FOXP2: variants seen among roughly 807,000 people sequenced by gnomAD.
FOXP2 encodes the protein forkhead box P2.
Under a neutral mutation model 115.8 loss-of-function variants are expected in FOXP2, and 12 were observed. The ratio of observed to expected loss-of-function variants is 0.10; its 90% confidence interval spans 0.07 to 0.17. The LOEUF is 0.17. FOXP2 is among the 10% of genes least tolerant of loss of function. The pLI is 1.00. For missense variants in FOXP2, 629 were observed against 843.5 expected, an observed-to-expected ratio of 0.75 and a Z score of 3.15; for synonymous variants, 328 against 297.7, an observed-to-expected ratio of 1.10 and a Z score of -1.05.
intron 3 of FOXP2, among the ~76,000 whole-genome samples, chr7:114,626,531 A>ATC (rs35087540): frequency 0.24 from 35,228 of 147,256 alleles, 5,343 homozygotes; most frequent in Non-Finnish European, 0.34. Context: ...TAGAAGGCAT[A>ATC]TCTCTCTCTC....
At chr7:114,129,379 T>C (rs1791811489) in intron 1 of FOXP2, among the ~76,000 whole-genome samples, 1 of 152,180 alleles carries the variant, frequency 6.6e-6, no homozygotes, top group South Asian at 2.1e-4. Context: ...TTGTGCATCC[T>C]TTCCATAATC....
At chr7:114,684,876 G>A (rs1394843118) in intron 16 of FOXP2, among the ~76,000 whole-genome samples, 2 of 152,002 alleles carry the variant, frequency 1.3e-5, no homozygotes, top group Non-Finnish European at 2.9e-5. Flanking sequence ...TTAAAATTCT[G>A]TACATGTCTA....
At chr7:114,368,625 T>C (rs1452603119) in intron 2 of FOXP2, among the ~76,000 whole-genome samples, 1 of 152,178 alleles carries the variant, frequency 6.6e-6, no homozygotes, top group Non-Finnish European at 1.5e-5. Flanking sequence ...TAAAGACGAC[T>C]GAGCAGATTG....
Position 114,100,636 on chromosome 7 carries a change from A to G in FOXP2, c.-247+12798A>G, listed in dbSNP as rs546372904. On this transcript the variant is annotated intron_variant, in intron 1 of 19. Transcript: ENST00000635638. The stretch of plus-strand genomic sequence containing the variant: ...TGTCATCCATAATTGTGATTAATAC[A>G]TTTCATAGTTTTGCTCAATTATTTT... 2.0e-5 allele frequency among the ~76,000 whole-genome samples: 3 copies of G among 152,266 alleles called. No homozygotes were observed. In the East Asian group the frequency reaches 5.8e-4, roughly 29 times the overall value.
chr7:114,145,500 C>CTTTT (rs1792347262), intron 1 of FOXP2, among the ~76,000 whole-genome samples: 5 of 30,728 alleles, frequency 1.6e-4, no homozygotes, highest in African/African-American at 2.5e-4. Flanking sequence ...TCTTTTCTTT[C>CTTTT]CTTTTGAGAT....
At chr7:114,673,497 T>C (rs1432792238) in intron 16 of FOXP2, among the ~76,000 whole-genome samples, 1 of 152,218 alleles carries the variant, frequency 6.6e-6, no homozygotes, top group Non-Finnish European at 1.5e-5. Context: ...CAAAACTATC[T>C]GAAATCATTT....
At chr7:114,389,871 A>G (rs1312518419) in intron 2 of FOXP2, among the ~76,000 whole-genome samples, 1 of 151,966 alleles carries the variant, frequency 6.6e-6, no homozygotes, top group Admixed American at 6.6e-5. Flanking sequence ...TAAAAATACA[A>G]AAATTAGTTG....
At chr7:114,245,979 G>T (rs1795274289) in intron 1 of FOXP2, among the ~76,000 whole-genome samples, 1 of 152,054 alleles carries the variant, frequency 6.6e-6, no homozygotes, top group African/African-American at 2.4e-5. Flanking sequence ...AAAGGTGATT[G>T]TTCTCTGACA....
chr7:114,376,371 G>A (rs1271167952), intron 2 of FOXP2, among the ~76,000 whole-genome samples: 6 of 152,190 alleles, frequency 3.9e-5, no homozygotes, highest in African/African-American at 1.4e-4. Flanking sequence ...TTCCTTATGT[G>A]TTAAATAGAA....
intron 3 of FOXP2, among the ~76,000 whole-genome samples, chr7:114,617,662 G>C (rs1445665950): frequency 6.6e-6 from 1 of 152,106 alleles, no homozygotes; most frequent in African/African-American, 2.4e-5. Context: ...GCATGATGGC[G>C]GGTGCCTGTA....
chr7:114,107,872 A>G (rs1042809178), intron 1 of FOXP2, among the ~76,000 whole-genome samples: 4 of 151,944 alleles, frequency 2.6e-5, no homozygotes, highest in African/African-American at 9.7e-5. Context: ...TACTCATACA[A>G]TGTGGAATCT....
chr7:114,174,506 C>T (rs1793235374), intron 1 of FOXP2, among the ~76,000 whole-genome samples: 1 of 151,996 alleles, frequency 6.6e-6, no homozygotes, highest in Non-Finnish European at 1.5e-5. Flanking sequence ...TCCCAGCAGG[C>T]ATTGGAGAAA....
At chr7:114,092,908 A>G (rs1053693964) in intron 1 of FOXP2, among the ~76,000 whole-genome samples, 12 of 152,100 alleles carry the variant, frequency 7.9e-5, no homozygotes, top group Non-Finnish European at 1.8e-4. Flanking sequence ...TGTTCTATAC[A>G]TATAGTTTGT....
At chr7:114,433,388 T>G (rs545933404) in intron 2 of FOXP2, among the ~76,000 whole-genome samples, 1 of 152,108 alleles carries the variant, frequency 6.6e-6, no homozygotes, top group East Asian at 1.9e-4. Flanking sequence ...AATCTAACAC[T>G]TGCCATAGTC....
intron 16 of FOXP2, among the ~76,000 whole-genome samples, chr7:114,670,452 A>C (rs1807434539): frequency 6.6e-6 from 1 of 152,032 alleles, no homozygotes; most frequent in African/African-American, 2.4e-5. Flanking sequence ...CACATACCCC[A>C]GTCATCTTTA....
At chr7:114,414,693 GT>G (rs1793257058), upstream of FOXP2, 1 of 170,760 alleles carries the variant, frequency 5.9e-6, no homozygotes, top group Admixed American at 5.8e-5. Context: ...CTTGTCTTGG[GT>G]TTGCTTATTT....
At chr7:114,295,492 T>G (rs1203852661) in intron 2 of FOXP2, among the ~76,000 whole-genome samples, 1 of 152,242 alleles carries the variant, frequency 6.6e-6, no homozygotes, top group African/African-American at 2.4e-5. Flanking sequence ...CATTAGTAAT[T>G]GTATGAAAAT....
At chr7:114,116,568 A>G (rs890745904) in intron 1 of FOXP2, among the ~76,000 whole-genome samples, 1 of 152,166 alleles carries the variant, frequency 6.6e-6, no homozygotes, top group African/African-American at 2.4e-5. Flanking sequence ...AAATGAGAAT[A>G]GGAAAATAAA....
rs148114123 is a variant in FOXP2, at chr7:114,435,887, A to AT, written c.168+9216dup. Among the ~76,000 whole-genome samples the AT allele has an allele frequency of 7.8e-3, 1,190 of 152,088 alleles. 11 individuals carry two copies. The highest frequency in any genetic ancestry group is 0.025 in the African/African-American group (1,028 of 41,504). On this transcript the variant is annotated intron_variant, in intron 2 of 16. Transcript: ENST00000350908. ...TGCAGGTGTTAGATAGCCGTTAAAG[A>AT]TTTTTTTTAGTGGAAAATGATGGCA...
Sources: gnomAD v4.1 joint callset for allele counts (sites outside exome capture counted in the v4.1 genomes callset) on GRCh38, gnomAD v4.1.1 for gene constraint, MANE v1.5 for transcripts, NCBI Gene and HGNC (gene_info 2026-07-23, HGNC 2026-07-21) for gene names.